The following DPP6 variants were observed in gnomAD, a reference collection of about 807,000 sequenced individuals.
DPP6 encodes dipeptidyl peptidase like 6, also known as A-type potassium channel modulatory protein DPP6.
In DPP6, 69 loss-of-function variants were observed where a neutral mutation model predicts 122.6. The observed-to-expected ratio is 0.56, with a 90% CI of 0.46 to 0.69. The LOEUF is 0.69. DPP6 is among the 30% of genes least tolerant of loss of function. The pLI is 0.00. For synonymous variants in DPP6, 418 were observed against 433.1 expected, an observed-to-expected ratio of 0.97 and a Z score of 0.43; for missense variants, 928 against 1,116.9, an observed-to-expected ratio of 0.83 and a Z score of 2.41.
At chr7:154,685,803 A>G (rs1291848985) in intron 7 of DPP6, among the ~76,000 whole-genome samples, 16 of 152,180 alleles carry the variant, frequency 1.1e-4, no homozygotes, top group Non-Finnish European at 2.9e-5. Context: ...TTCAACTCAA[A>G]GTTAAGATCA....
the DPP6 span, among the ~76,000 whole-genome samples, chr7:153,779,947 T>A: frequency 6.6e-6 from 1 of 152,080 alleles, no homozygotes; most frequent in East Asian, 1.9e-4. Context: ...ATCTCCTATA[T>A]TTGTAACATT....
intron 1 of DPP6, among the ~76,000 whole-genome samples, chr7:153,930,906 A>G (rs765274147): frequency 5.9e-5 from 9 of 152,232 alleles, no homozygotes; most frequent in Non-Finnish European, 8.8e-5. Context: ...AACTAAGCCA[A>G]CAGTGCCAAC....
chr7:154,532,695 A>G (rs775035470), intron 3 of DPP6, among the ~76,000 whole-genome samples: 1 of 152,058 alleles, frequency 6.6e-6, no homozygotes, highest in East Asian at 1.9e-4. Flanking sequence ...CTTACTAAAA[A>G]GATAATATGT....
intron 4 of DPP6, among the ~76,000 whole-genome samples, chr7:154,555,473 G>C (rs1829955809): frequency 6.6e-6 from 1 of 152,068 alleles, no homozygotes; most frequent in South Asian, 2.1e-4. Context: ...TTGTGGGGTG[G>C]GGGAAGGGGG....
At chr7:154,637,495 G>A (rs1336460151) in intron 5 of DPP6, among the ~76,000 whole-genome samples, 1 of 152,164 alleles carries the variant, frequency 6.6e-6, no homozygotes, top group Non-Finnish European at 1.5e-5. Context: ...GTGCCTGATG[G>A]TCTCCAATGA....
the DPP6 span, among the ~76,000 whole-genome samples, chr7:153,759,146 G>C: frequency 1.4e-4 from 22 of 152,170 alleles, no homozygotes; most frequent in East Asian, 2.7e-3. Flanking sequence ...GCATTTTACA[G>C]ATGCTTATTT....
chr7:154,359,316 G>T (rs1811531206), intron 1 of DPP6, among the ~76,000 whole-genome samples: 2 of 152,120 alleles, frequency 1.3e-5, no homozygotes, highest in African/African-American at 2.4e-5. Flanking sequence ...TTGGGATAAG[G>T]GTTAGAGATA....
chr7:153,906,018 C>T (rs1414934565), intron 1 of DPP6, among the ~76,000 whole-genome samples: 3 of 152,174 alleles, frequency 2.0e-5, no homozygotes, highest in African/African-American at 7.2e-5. Flanking sequence ...AAGTGTTACA[C>T]AGGTATTTTT....
chr7:154,304,540 G>A (rs1421818438), intron 1 of DPP6, among the ~76,000 whole-genome samples: 1 of 151,716 alleles, frequency 6.6e-6, no homozygotes, highest in Non-Finnish European at 1.5e-5. Flanking sequence ...TCATGTTTCT[G>A]TAAGGTCATC....
intron 1 of DPP6, among the ~76,000 whole-genome samples, chr7:154,056,756 G>A (rs1158212894): frequency 6.6e-6 from 1 of 152,080 alleles, no homozygotes; most frequent in East Asian, 1.9e-4. Context: ...CTCCACCTTG[G>A]TTTTTCATTG....
intron 1 of DPP6, among the ~76,000 whole-genome samples, chr7:154,247,060 C>T (rs572273451): frequency 1.3e-5 from 2 of 152,296 alleles, no homozygotes; most frequent in East Asian, 1.9e-4. Flanking sequence ...CGCCTGTAAT[C>T]CCAGCATTTT....
chr7:153,956,719 AACCC>A (rs1420837727), intron 1 of DPP6, among the ~76,000 whole-genome samples: 3 of 152,206 alleles, frequency 2.0e-5, no homozygotes, highest in African/African-American at 7.2e-5. Flanking sequence ...TCTGAAGCGG[AACCC>A]AGTCCTGGCA....
At chr7:154,826,461 G>A (rs972708010) in intron 16 of DPP6, among the ~76,000 whole-genome samples, 2 of 152,158 alleles carry the variant, frequency 1.3e-5, no homozygotes, top group Non-Finnish European at 1.5e-5. Context: ...TTGTTCAGTG[G>A]TTATTATTTT....
intron 3 of DPP6, among the ~76,000 whole-genome samples, chr7:154,479,293 C>G (rs1387854700): frequency 6.6e-6 from 1 of 152,090 alleles, no homozygotes; most frequent in African/African-American, 2.4e-5. Flanking sequence ...TGTGGTGGCT[C>G]ACGCCTGTAA....
chr7:154,872,222 C>T (rs999792300), intron 18 of DPP6, among the ~76,000 whole-genome samples: 6 of 152,218 alleles, frequency 3.9e-5, no homozygotes, highest in Non-Finnish European at 5.9e-5. Flanking sequence ...TGCCTCCCTG[C>T]TCCCAAATAT....
the DPP6 span, among the ~76,000 whole-genome samples, chr7:153,805,463 A>T: frequency 2.0e-5 from 3 of 152,222 alleles, no homozygotes; most frequent in African/African-American, 7.2e-5. Flanking sequence ...TGTTTAAAAT[A>T]CTTTCCTCCC....
intron 1 of DPP6, among the ~76,000 whole-genome samples, chr7:154,409,002 G>A (rs915304480): frequency 6.6e-6 from 1 of 152,042 alleles, no homozygotes; most frequent in Non-Finnish European, 1.5e-5. Flanking sequence ...AATTAGCCAG[G>A]TGGTAGTGGT....
intron 25 of DPP6, among the ~76,000 whole-genome samples, chr7:154,891,710 C>T (rs1422730246): frequency 2.0e-5 from 3 of 152,072 alleles, no homozygotes; most frequent in Non-Finnish European, 4.4e-5. Context: ...CTCAGCCTCC[C>T]GAGTAGCTGG....
chr7:153,790,684 G>A, the DPP6 span, among the ~76,000 whole-genome samples: 1 of 152,148 alleles, frequency 6.6e-6, no homozygotes, highest in African/African-American at 2.4e-5. Flanking sequence ...AGCCGGAGAG[G>A]TATTCAGAAG....
Sources: gnomAD v4.1 joint callset for allele counts (sites outside exome capture counted in the v4.1 genomes callset) on GRCh38, gnomAD v4.1.1 for gene constraint, MANE v1.5 for transcripts, NCBI Gene and HGNC (gene_info 2026-07-23, HGNC 2026-07-21) for gene names.